Variants in GNA12 observed in about 807,000 individuals in gnomAD.
GNA12 encodes the protein guanine nucleotide-binding protein subunit alpha-12.
A neutral mutation model predicts 26.0 loss-of-function variants in GNA12; 9 were observed. That is an observed-to-expected ratio of 0.35 (90% CI 0.21 to 0.60). The LOEUF (loss-of-function observed/expected upper bound fraction) is 0.60. Among genes scored for constraint, GNA12 ranks in the 20% least tolerant of loss-of-function variants. The pLI is 0.78. For missense variants in GNA12, 405 were observed against 525.8 expected (o/e 0.77, Z 2.25); for synonymous variants, 264 against 219.6 (o/e 1.20, Z -1.79).
At chr7:2,804,345 A>T (rs1383929060) in intron 1 of GNA12, among the ~76,000 whole-genome samples, 1 of 152,248 alleles carries the variant, frequency 6.6e-6, no homozygotes, top group Non-Finnish European at 1.5e-5. Flanking sequence ...TTTAGCAGAG[A>T]CAGCTATATA....
intron 2 of GNA12, among the ~76,000 whole-genome samples, chr7:2,750,814 C>T (rs142262144): frequency 2.2e-4 from 33 of 152,288 alleles, no homozygotes; most frequent in Middle Eastern, 3.4e-3. Flanking sequence ...AAAGTGAGGC[C>T]TCAGAACCAG....
intron 2 of GNA12, among the ~76,000 whole-genome samples, chr7:2,754,861 A>T (rs145069042): frequency 6.6e-6 from 1 of 152,316 alleles, no homozygotes; most frequent in East Asian, 1.9e-4. Context: ...AGAATTCTTC[A>T]CCAAGTTCTA....
chr7:2,795,330 C>T (rs547993698), intron 1 of GNA12, among the ~76,000 whole-genome samples, 187 bp from the exon 2 acceptor site: 1 of 152,142 alleles, frequency 6.6e-6, no homozygotes, highest in Non-Finnish European at 1.5e-5. Flanking sequence ...GCAGTATAAC[C>T]TCACCAAGAC....
chr7:2,813,454 A>G (rs902152037), intron 1 of GNA12, among the ~76,000 whole-genome samples: 4 of 152,226 alleles, frequency 2.6e-5, no homozygotes, highest in African/African-American at 9.6e-5. Flanking sequence ...CAGTCAGTGT[A>G]GCTTGCGTAA....
At chr7:2,741,103 ATTC>A (rs1790478809) in intron 2 of GNA12, among the ~76,000 whole-genome samples, 1 of 152,092 alleles carries the variant, frequency 6.6e-6, no homozygotes, top group South Asian at 2.1e-4. Context: ...ATAGATTTAG[ATTC>A]TTCATTTGTA....
chr7:2,785,708 C>T (rs563637225), intron 2 of GNA12, among the ~76,000 whole-genome samples: 32 of 152,170 alleles, frequency 2.1e-4, no homozygotes, highest in East Asian at 1.2e-3. Flanking sequence ...TACACACACA[C>T]ATTTTTCAGA....
In GNA12 at chr7:2,795,076, T is replaced by A; in HGVS notation, c.377A>T (p.Lys126Met). The A allele has an allele frequency of 1.2e-6, 2 of 1,613,932 alleles. No homozygotes were observed. The highest frequency in any genetic ancestry group is 1.7e-6 in the Non-Finnish European group (2 of 1,179,852). ...GIPWQYSENE[K>M]HGMFLMAFEN... Reference sequence around the variant, plus strand: ...GAAGGCCATCAGGAACATCCCATGCTTCTCATTTTCAGAATACTGCCAAGG... The same window carrying A: ...GAAGGCCATCAGGAACATCCCATGCATCTCATTTTCAGAATACTGCCAAGG... The change falls in exon 2 of 4, where the codon AAG (lysine) becomes ATG (methionine). Residue 126 changes from lysine (K) to methionine (M), a missense_variant. Lys to Met is a moderately conservative substitution (Grantham distance 95). Transcript: ENST00000275364.
chr7:2,768,315 A>C (rs1791857907), intron 2 of GNA12, among the ~76,000 whole-genome samples: 1 of 152,248 alleles, frequency 6.6e-6, no homozygotes, highest in South Asian at 2.1e-4. Context: ...AGGAATTGCT[A>C]ATTCAAACCT....
chr7:2,825,561 AGAG>A (rs1270536758), intron 1 of GNA12, among the ~76,000 whole-genome samples: 9 of 152,220 alleles, frequency 5.9e-5, no homozygotes, highest in African/African-American at 1.7e-4. Context: ...GCTATCTCAG[AGAG>A]GAGGAGAAGT....
At position 2,827,808 on chromosome 7, in the gene GNA12, C is replaced by T. The variant is rs192394953; in HGVS notation, c.309+16045G>A. Among the ~76,000 whole-genome samples, 17 of 152,322 alleles carry T rather than the reference C, an allele frequency of 1.1e-4. No individual in the cohort carries two copies. In the East Asian group the frequency reaches 3.3e-3, roughly 29 times the overall value. On this transcript the variant is annotated intron_variant, in intron 1 of 3. Transcript: ENST00000275364. ...ATCATGAGGTATTGCTAATTAACTA[C>T]AAAAACATCGCGCAAATTTTTTTAG...
intron 1 of GNA12, among the ~76,000 whole-genome samples, chr7:2,839,401 T>C (rs111817404): frequency 0.048 from 7,356 of 152,206 alleles, 635 homozygotes; most frequent in African/African-American, 0.17. Context: ...TGTTTGTTTT[T>C]GAAATGGAGT....
intron 1 of GNA12, among the ~76,000 whole-genome samples, chr7:2,825,269 C>T (rs1443328233): frequency 1.3e-5 from 2 of 152,166 alleles, no homozygotes; most frequent in African/African-American, 4.8e-5. Flanking sequence ...TCTCCCCTCC[C>T]TCCCTCCGAG....
chr7:2,804,838 C>G (rs965320675), intron 1 of GNA12, among the ~76,000 whole-genome samples: 3 of 151,912 alleles, frequency 2.0e-5, no homozygotes. Context: ...GCGGGAGGAT[C>G]TGTTGAGCCC....
chr7:2,824,233 G>A (rs117360482), intron 1 of GNA12, among the ~76,000 whole-genome samples: 2,869 of 152,176 alleles, frequency 0.019, 31 homozygotes, highest in Non-Finnish European at 0.028. Context: ...GGGCAACCCC[G>A]TGAATGTCCA....
At chr7:2,815,673 C>T (rs1182746122) in intron 1 of GNA12, among the ~76,000 whole-genome samples, 3 of 152,232 alleles carry the variant, frequency 2.0e-5, no homozygotes, top group Non-Finnish European at 4.4e-5. Context: ...ACAAGTACCC[C>T]TCCGCCTCCT....
At chr7:2,762,918 G>A (rs1352214428) in intron 2 of GNA12, 2 of 1,411,788 alleles carry the variant, frequency 1.4e-6, no homozygotes, top group East Asian at 5.5e-5. Flanking sequence ...AGAGGCCACA[G>A]GCGGGGACGC....
At position 2,821,300 on chromosome 7, in the gene GNA12, G is replaced by A. The variant is rs139853005; in HGVS notation, c.309+22553C>T. 1.2e-3 allele frequency among the ~76,000 whole-genome samples: 184 copies of A among 152,300 alleles called. 2 individuals carry two copies. The highest frequency in any genetic ancestry group is 4.1e-3 in the African/African-American group (172 of 41,572). On this transcript the variant is annotated intron_variant, in intron 1 of 3. Transcript: ENST00000275364. ...TCAACACAGGGACACGCTGCCTCCC[G>A]TGGCAAGGTGACTGTCTTGCTGCTG...
chr7:2,784,654 T>A (rs1015904720), intron 2 of GNA12, among the ~76,000 whole-genome samples: 1 of 152,350 alleles, frequency 6.6e-6, no homozygotes, highest in East Asian at 1.9e-4. Context: ...CTTTAATTTA[T>A]GTTTCCACAA....
At chr7:2,839,739 C>G (rs538795597) in intron 1 of GNA12, among the ~76,000 whole-genome samples, 1 of 152,222 alleles carries the variant, frequency 6.6e-6, no homozygotes, top group East Asian at 1.9e-4. Context: ...CGGGGCACGG[C>G]GTCTCACATC....
Sources: gnomAD v4.1 joint callset for allele counts (sites outside exome capture counted in the v4.1 genomes callset) on GRCh38, gnomAD v4.1.1 for gene constraint, MANE v1.5 for transcripts, NCBI Gene and HGNC (gene_info 2026-07-23, HGNC 2026-07-21) for gene names.